The following CNTLN variants were observed in gnomAD, a reference collection of about 807,000 sequenced individuals.
The protein encoded by CNTLN is centlein, centrosomal protein.
Under a neutral mutation model 180.0 loss-of-function variants are expected in CNTLN, and 212 were observed. That is an observed-to-expected ratio of 1.18 (90% CI 1.05 to 1.32). The LOEUF (loss-of-function observed/expected upper bound fraction) is 1.32. CNTLN is among the 40% of genes most tolerant of loss of function. The pLI, the probability that CNTLN is intolerant of heterozygous loss-of-function variation, is 0.00. For missense variants in CNTLN, 2,095 were observed against 1,610.9 expected, an observed-to-expected ratio of 1.30 and a Z score of -5.14; for synonymous variants, 722 against 563.1, an observed-to-expected ratio of 1.28 and a Z score of -3.99.
Position 17,330,824 on chromosome 9 carries a change from C to A in CNTLN, c.1518+16C>A. The A allele has an allele frequency of 2.5e-6, 4 of 1,585,870 alleles. No homozygotes were observed. In the South Asian group the frequency reaches 4.7e-5, roughly 19 times the overall value. Reference sequence around the variant, plus strand: ...AAAACATAAGGTAGGGACATTTTGTCATTTTGTGAATTTGCCAGGATGAGG... The same window carrying A: ...AAAACATAAGGTAGGGACATTTTGTAATTTTGTGAATTTGCCAGGATGAGG... On this transcript the variant is annotated intron_variant, in intron 9 of 25. Transcript: ENST00000380647.
intron 10 of CNTLN, among the ~76,000 whole-genome samples, chr9:17,337,758 T>C (rs1260590814): frequency 2.6e-5 from 4 of 152,310 alleles, no homozygotes; most frequent in African/African-American, 9.6e-5. Flanking sequence ...TCAATACATA[T>C]AAGAATCTCA....
At chr9:17,298,456 C>A in intron 7 of CNTLN, 104 bp downstream of exon 7, 2 of 1,344,720 alleles carry the variant, frequency 1.5e-6, no homozygotes, top group African/African-American at 3.0e-5. Flanking sequence ...TTTTTACTTC[C>A]TTTTACATGT....
chr9:17,463,278 G>A (rs540781117), intron 20 of CNTLN, among the ~76,000 whole-genome samples: 76 of 151,562 alleles, frequency 5.0e-4, no homozygotes, highest in African/African-American at 1.7e-3. Flanking sequence ...ATGGCTTCGA[G>A]ACAATGAATG....
chr9:17,342,997 G>A (rs889314180), intron 12 of CNTLN, among the ~76,000 whole-genome samples: 1 of 151,762 alleles, frequency 6.6e-6, no homozygotes, highest in African/African-American at 2.4e-5. Flanking sequence ...GTCCTTGGTA[G>A]TGACCTGCAG....
chr9:17,164,236 C>T (rs1050831651), intron 2 of CNTLN, among the ~76,000 whole-genome samples: 8 of 147,748 alleles, frequency 5.4e-5, no homozygotes, highest in African/African-American at 1.5e-4. Context: ...CACTTGAACC[C>T]GAAAGGCAGA....
At chr9:17,172,975 A>G (rs1351468897) in intron 2 of CNTLN, among the ~76,000 whole-genome samples, 2 of 152,202 alleles carry the variant, frequency 1.3e-5, no homozygotes, top group African/African-American at 4.8e-5. Flanking sequence ...TGGAAAAAAT[A>G]ATGGTTATAT....
chr9:17,301,510 C>T, intron 7 of CNTLN: 1 of 984,746 alleles, frequency 1.0e-6, no homozygotes, highest in Non-Finnish European at 1.2e-6. Context: ...GATTGAATAT[C>T]ATTTTTCTTT....
At chr9:17,209,820 G>A (rs953308441) in intron 2 of CNTLN, among the ~76,000 whole-genome samples, 1 of 152,040 alleles carries the variant, frequency 6.6e-6, no homozygotes, top group Non-Finnish European at 1.5e-5. Context: ...AAGAGATTGA[G>A]GTATCTGCAT....
At chr9:17,270,912 A>G (rs1432960951) in intron 5 of CNTLN, among the ~76,000 whole-genome samples, 2 of 148,968 alleles carry the variant, frequency 1.3e-5, no homozygotes, top group Non-Finnish European at 1.5e-5. Context: ...TTAATTTTGT[A>G]TTAATATCAA....
chr9:17,177,392 G>A (rs1820786377), intron 2 of CNTLN, among the ~76,000 whole-genome samples: 1 of 151,532 alleles, frequency 6.6e-6, no homozygotes, highest in Non-Finnish European at 1.5e-5. Flanking sequence ...CTGGGCGACA[G>A]AACAAGACTC....
Position 17,135,363 on chromosome 9 carries a change from A to T in CNTLN, c.298A>T (p.Thr100Ser). 6.3e-7 allele frequency: 1 copy of T among 1,599,782 alleles called. No individual in the cohort carries two copies. Among genetic ancestry groups the T allele is most frequent in the Non-Finnish European group, 8.5e-7 (1 of 1,174,178 alleles). Residue 100 changes from threonine to serine, a missense_variant, in exon 1 of 26, where the codon ACC (threonine) becomes TCC (serine). Physicochemically the swap from Thr to Ser is moderately conservative, Grantham distance 58. Coordinates refer to ENST00000380647, the MANE Select transcript of CNTLN (RefSeq NM_017738.4). Reference protein sequence around the residue: ...EGISVEEAMVTRTQLLEEELS... With the variant: ...EGISVEEAMVSRTQLLEEELS... ...CATCTCGGTAGAGGAGGCGATGGTG[A>T]CCCGGACGCAGCTGCTGGAGGAAGA... is the stretch of plus-strand genomic sequence containing the variant.
intron 18 of CNTLN, among the ~76,000 whole-genome samples, chr9:17,419,699 A>T (rs781287416): frequency 1.3e-4 from 20 of 152,192 alleles, no homozygotes; most frequent in Non-Finnish European, 2.8e-4. Flanking sequence ...TACCCTTCAG[A>T]AATTAACATA....
At chr9:17,346,571 G>A (rs183338117) in intron 12 of CNTLN, among the ~76,000 whole-genome samples, 11 of 152,204 alleles carry the variant, frequency 7.2e-5, no homozygotes, top group African/African-American at 1.7e-4. Flanking sequence ...GGCCTCTATT[G>A]TTTCTGATGC....
At chr9:17,419,223 A>C (rs1828507366) in intron 18 of CNTLN, among the ~76,000 whole-genome samples, 1 of 152,140 alleles carries the variant, frequency 6.6e-6, no homozygotes, top group African/African-American at 2.4e-5. Context: ...TAAATGGCAA[A>C]GATTTGTGAT....
At chr9:17,157,102 T>G (rs1345116457) in intron 2 of CNTLN, among the ~76,000 whole-genome samples, 1 of 152,126 alleles carries the variant, frequency 6.6e-6, no homozygotes, top group African/African-American at 2.4e-5. Flanking sequence ...GCAAAACACA[T>G]TGGGGTCTTG....
intron 18 of CNTLN, among the ~76,000 whole-genome samples, chr9:17,440,032 A>C (rs1409082555): frequency 1.3e-5 from 2 of 152,234 alleles, no homozygotes; most frequent in African/African-American, 4.8e-5. Flanking sequence ...GGCAAAGTTG[A>C]TACTGTAGAA....
intron 10 of CNTLN, among the ~76,000 whole-genome samples, chr9:17,335,613 A>G (rs1283996376): frequency 6.6e-6 from 1 of 152,076 alleles, no homozygotes; most frequent in Non-Finnish European, 1.5e-5. Flanking sequence ...TCTATTTCCT[A>G]ATGTTTCATT....
intron 23 of CNTLN, among the ~76,000 whole-genome samples, chr9:17,478,170 T>G (rs1377301348): frequency 1.3e-5 from 2 of 152,244 alleles, no homozygotes; most frequent in Non-Finnish European, 2.9e-5. Context: ...ATAATGCTAT[T>G]GAATGCTTAT....
At chr9:17,149,855 G>T (rs560249043) in intron 2 of CNTLN, among the ~76,000 whole-genome samples, 2 of 152,096 alleles carry the variant, frequency 1.3e-5, no homozygotes, top group Non-Finnish European at 1.5e-5. Flanking sequence ...TCTAACTGGC[G>T]TGAGATGGTA....
Sources: allele counts gnomAD v4.1 joint callset (sites outside exome capture counted in the v4.1 genomes callset), GRCh38; gene constraint gnomAD v4.1.1; transcripts MANE v1.5; gene names NCBI Gene and HGNC (gene_info 2026-07-23, HGNC 2026-07-21).